Variants in NUDT3 observed in about 807,000 individuals in gnomAD.
The protein encoded by NUDT3 is nudix hydrolase 3, also known as diphosphoinositol polyphosphate phosphohydrolase 1.
NUDT3 carries 9 observed loss-of-function variants against 23.6 expected under a neutral mutation model. The observed-to-expected ratio is 0.38, with a 90% CI of 0.23 to 0.66. The LOEUF (loss-of-function observed/expected upper bound fraction) is 0.66, where lower values mean the gene tolerates loss of function less well. Ranked by LOEUF, NUDT3 falls within the 30% of genes least tolerant of loss-of-function variation. The probability of loss-of-function intolerance (pLI) is 0.52; values close to 1 mark genes in which losing one functional copy is unlikely to be tolerated. For synonymous variants in NUDT3, 86 were observed against 82.6 expected (o/e 1.04, Z -0.22); for missense variants, 172 against 218.5 (o/e 0.79, Z 1.34).
At chr6:34,308,402 A>G (rs1024023042) in intron 2 of NUDT3, among the ~76,000 whole-genome samples, 9 of 149,794 alleles carry the variant, frequency 6.0e-5, no homozygotes, top group African/African-American at 9.9e-5. Context: ...TCGAGACTGC[A>G]GTGAGCACTG....
At chr6:34,289,056 A>G in intron 4 of NUDT3, 125 bp from the exon 5 acceptor site, 1 of 1,184,450 alleles carries the variant, frequency 8.4e-7, no homozygotes, top group East Asian at 2.8e-5. Flanking sequence ...TACAAAAATA[A>G]CTCAAGCACA....
intron 2 of NUDT3, among the ~76,000 whole-genome samples, chr6:34,300,966 T>C (rs1443103863): frequency 6.6e-6 from 1 of 152,236 alleles, no homozygotes; most frequent in South Asian, 2.1e-4. Context: ...ATTAACAGTA[T>C]TTGCTGCAAG....
intron 1 of NUDT3, among the ~76,000 whole-genome samples, chr6:34,360,174 G>C (rs919961629): frequency 4.7e-5 from 7 of 148,202 alleles, no homozygotes; most frequent in African/African-American, 1.5e-4. Context: ...AAGCTGCAAG[G>C]CTGCAGTAAG....
chr6:34,371,045 A>G (rs1244915210), intron 1 of NUDT3, among the ~76,000 whole-genome samples: 2 of 151,850 alleles, frequency 1.3e-5, no homozygotes, highest in African/African-American at 4.8e-5. Flanking sequence ...CGGGAGGCAG[A>G]GGTTGCAGTG....
chr6:34,363,750 G>C (rs1764683283), intron 1 of NUDT3, among the ~76,000 whole-genome samples: 1 of 151,746 alleles, frequency 6.6e-6, no homozygotes, highest in South Asian at 2.1e-4. Flanking sequence ...ATCATAATCA[G>C]TGCCCAGCAG....
intron 1 of NUDT3, among the ~76,000 whole-genome samples, chr6:34,386,665 G>A (rs1408924179): frequency 1.3e-5 from 2 of 152,120 alleles, no homozygotes; most frequent in Non-Finnish European, 2.9e-5. Context: ...TAACATTTCA[G>A]TCAACTACAG....
At chr6:34,291,667 T>A (rs549232813) in intron 4 of NUDT3, among the ~76,000 whole-genome samples, 116 of 152,134 alleles carry the variant, frequency 7.6e-4, no homozygotes, top group Middle Eastern at 6.8e-3. Flanking sequence ...CATGCCTGGC[T>A]AATTTTTGTA....
At chr6:34,307,871 C>T (rs1228918333) in intron 2 of NUDT3, among the ~76,000 whole-genome samples, 1 of 151,896 alleles carries the variant, frequency 6.6e-6, no homozygotes, top group Non-Finnish European at 1.5e-5. Flanking sequence ...GTAATCTCAG[C>T]ACTTTGGGCG....
At chr6:34,299,722 A>G (rs1763569407) in intron 2 of NUDT3, among the ~76,000 whole-genome samples, 1 of 150,810 alleles carries the variant, frequency 6.6e-6, no homozygotes, top group Admixed American at 6.6e-5. Flanking sequence ...CCTGGCCAAC[A>G]CGGCAAAACC....
intron 1 of NUDT3, among the ~76,000 whole-genome samples, chr6:34,386,970 C>T (rs1765116993): frequency 6.6e-6 from 1 of 152,056 alleles, no homozygotes; most frequent in Admixed American, 6.6e-5. Context: ...CAAAAATTAG[C>T]CAGGCATGGT....
At chr6:34,310,507 C>T (rs1417127281) in intron 2 of NUDT3, among the ~76,000 whole-genome samples, 1 of 152,040 alleles carries the variant, frequency 6.6e-6, no homozygotes, top group African/African-American at 2.4e-5. Flanking sequence ...CCAGCCTGGG[C>T]AACAGAGTGA....
intron 1 of NUDT3, among the ~76,000 whole-genome samples, chr6:34,373,993 A>T (rs374372913): frequency 2.4e-4 from 36 of 151,674 alleles, no homozygotes; most frequent in African/African-American, 8.2e-4. Context: ...GTCTCTACTT[A>T]AAAAATACAA....
chr6:34,297,760 A>ATTTTTTTTT (rs1348385184), intron 2 of NUDT3, among the ~76,000 whole-genome samples: 3 of 53,626 alleles, frequency 5.6e-5, no homozygotes, highest in African/African-American at 3.2e-4. Context: ...TATATATATA[A>ATTTTTTTTT]TTTTTTTTTT....
chr6:34,322,431 G>A (rs1455443667), intron 2 of NUDT3, among the ~76,000 whole-genome samples: 5 of 151,446 alleles, frequency 3.3e-5, no homozygotes, highest in African/African-American at 1.2e-4. Flanking sequence ...GGGTTTCACT[G>A]TGTTAGCCAG....
chr6:34,369,674 T>C (rs939746957), intron 1 of NUDT3, among the ~76,000 whole-genome samples: 2 of 152,200 alleles, frequency 1.3e-5, no homozygotes, highest in East Asian at 1.9e-4. Flanking sequence ...AATCAACATA[T>C]TGATCTAAAG....
At chr6:34,351,224 A>AAAAAAAAAAAC (rs1374203552) in intron 1 of NUDT3, among the ~76,000 whole-genome samples, 2 of 136,350 alleles carry the variant, frequency 1.5e-5, no homozygotes, top group African/African-American at 5.9e-5. Flanking sequence ...AAAAAAAAAA[A>AAAAAAAAAAAC]AACACTTTGG....
chr6:34,352,669 G>A (rs1345472622), intron 1 of NUDT3, among the ~76,000 whole-genome samples: 2 of 152,062 alleles, frequency 1.3e-5, no homozygotes, highest in Admixed American at 1.3e-4. Flanking sequence ...TAAACTCAAG[G>A]GCAGGTATTG....
intron 2 of NUDT3, among the ~76,000 whole-genome samples, chr6:34,302,324 C>A (rs1763610438): frequency 6.6e-6 from 1 of 152,098 alleles, no homozygotes; most frequent in South Asian, 2.1e-4. Context: ...AATATTTTCT[C>A]CCAATCTGGC....
At chr6:34,358,704 CA>C (rs1300365522) in intron 1 of NUDT3, among the ~76,000 whole-genome samples, 7 of 152,116 alleles carry the variant, frequency 4.6e-5, no homozygotes, top group African/African-American at 1.4e-4. Context: ...CCACGCCTCA[CA>C]GGGGGGCCAG....
Sources: gnomAD v4.1 joint callset for allele counts (sites outside exome capture counted in the v4.1 genomes callset) on GRCh38, gnomAD v4.1.1 for gene constraint, MANE v1.5 for transcripts, NCBI Gene and HGNC (gene_info 2026-07-23, HGNC 2026-07-21) for gene names.